Variants in APBB2 observed in about 807,000 individuals in gnomAD.
The protein encoded by APBB2 is Fe65-like 1.
APBB2 carries 38 observed loss-of-function variants against 82.5 expected under a neutral mutation model. That is an observed-to-expected ratio of 0.46 (90% CI 0.36 to 0.60). APBB2 has a LOEUF of 0.60. Among genes scored for constraint, APBB2 ranks in the 20% least tolerant of loss-of-function variants. APBB2 has a pLI of 0.00. For missense variants in APBB2, 772 were observed against 972.3 expected (o/e 0.79, Z 2.74); for synonymous variants, 341 against 368.2 (o/e 0.93, Z 0.85).
In APBB2 at chr4:40,890,448, A is replaced by G. The variant is rs1771663635; in HGVS notation, c.1445T>C (p.Leu482Pro). 1 of 1,614,014 alleles carries G rather than the reference A, an allele frequency of 6.2e-7. No individual in the cohort carries two copies. Among genetic ancestry groups the G allele is most frequent in the African/African-American group, 1.3e-5 (1 of 74,924 alleles). The change falls in exon 12 of 18, where the codon CTG (leucine) becomes CCG (proline). Residue 482 changes from leucine (L) to proline (P), a missense_variant. By Grantham distance (98) the Leu-to-Pro change is moderately conservative (BLOSUM62 -3). Coordinates refer to ENST00000508593, the MANE Select transcript of APBB2 (RefSeq NM_004307.2). ...CACGCTGCGGTCCATGGGGTCCACC[A>G]GGCTGAGCATGTCATTCTCCAGGAT... ...YLILENDMLS[L>P]VDPMDRSVLH...
Position 40,835,952 on chromosome 4 carries a change from C to A in APBB2, c.1530-5375G>T, listed in dbSNP as rs570825914. Reference sequence around the variant, plus strand: ...TGGGGTCCCTGCTAGGACAGCTAAGCACCCCATCACTGGAGTGGGGGAGGG... The same window carrying A: ...TGGGGTCCCTGCTAGGACAGCTAAGAACCCCATCACTGGAGTGGGGGAGGG... On this transcript the variant is annotated intron_variant, in intron 12 of 17. Transcript: ENST00000508593. Among the ~76,000 whole-genome samples the A allele has an allele frequency of 9.9e-5, 15 of 152,276 alleles. 1 individual carries two copies. The South Asian group carries it at 3.1e-3, about 32-fold the overall frequency.
At chr4:40,890,309 A>G (rs1771602693) in intron 12 of APBB2, 55 bp downstream of exon 12, 13 of 1,572,756 alleles carry the variant, frequency 8.3e-6, no homozygotes, top group South Asian at 4.7e-5. Flanking sequence ...TTTGGTGTTC[A>G]GCTAGACCAG....
chr4:40,875,068 T>G (rs1235013822), intron 12 of APBB2, among the ~76,000 whole-genome samples: 1 of 152,194 alleles, frequency 6.6e-6, no homozygotes, highest in Non-Finnish European at 1.5e-5. Flanking sequence ...AGTGCCTGGC[T>G]CAGCTGTGCT....
At chr4:40,985,606 G>A (rs563535662) in intron 6 of APBB2, among the ~76,000 whole-genome samples, 2 of 152,188 alleles carry the variant, frequency 1.3e-5, no homozygotes, top group East Asian at 1.9e-4. Flanking sequence ...TCAATACACC[G>A]ACTAATCCAC....
chr4:40,970,653 C>T (rs1247358783), intron 6 of APBB2, among the ~76,000 whole-genome samples: 2 of 152,222 alleles, frequency 1.3e-5, no homozygotes, highest in Middle Eastern at 3.4e-3. Flanking sequence ...TCTCGGGACA[C>T]ATGAAAATGT....
intron 5 of APBB2, among the ~76,000 whole-genome samples, chr4:41,019,769 G>C (rs1810968865): frequency 6.6e-6 from 1 of 152,196 alleles, no homozygotes; most frequent in Admixed American, 6.5e-5. Context: ...AAAAACCCAA[G>C]GAGGTGGCAG....
At chr4:41,076,444 G>A (rs916718415) in intron 3 of APBB2, among the ~76,000 whole-genome samples, 8 of 152,158 alleles carry the variant, frequency 5.3e-5, no homozygotes, top group Non-Finnish European at 8.8e-5. Context: ...ACCAGGTGGA[G>A]GGACTGACTG....
At chr4:40,935,192 G>T in intron 7 of APBB2, 53 bp from the exon 8 acceptor site, 27 of 1,005,704 alleles carry the variant, frequency 2.7e-5, no homozygotes, top group African/African-American at 4.3e-5. Context: ...TAAAGAAAAA[G>T]AAAAGAAAAG....
In APBB2 at chr4:41,125,598, A is replaced by G. The variant is rs7662950; in HGVS notation, c.-261+17389T>C. On this transcript the variant is annotated intron_variant, in intron 2 of 17. Transcript: ENST00000508593. ...TCCACTTGCCCTACCCATTTTGAAA[A>G]CAGATCTATTGGAATGTGAAATGAA... Among the ~76,000 whole-genome samples, 326 of 152,322 alleles carry G rather than the reference A, an allele frequency of 2.1e-3. 1 individual carries two copies. The highest frequency in any genetic ancestry group is 7.3e-3 in the African/African-American group (304 of 41,568).
chr4:41,185,059 T>G (rs1772515967), intron 1 of APBB2, among the ~76,000 whole-genome samples: 1 of 152,216 alleles, frequency 6.6e-6, no homozygotes, highest in African/African-American at 2.4e-5. Flanking sequence ...GCAGGAACTT[T>G]GTTTCATTGT....
At chr4:41,117,424 C>G (rs1041303115) in intron 2 of APBB2, among the ~76,000 whole-genome samples, 3 of 151,742 alleles carry the variant, frequency 2.0e-5, no homozygotes, top group Non-Finnish European at 4.4e-5. Flanking sequence ...TCTCGAATAG[C>G]TGGGATTACA....
intron 3 of APBB2, among the ~76,000 whole-genome samples, chr4:41,075,164 C>A (rs558167637): frequency 4.6e-5 from 7 of 152,226 alleles, no homozygotes; most frequent in African/African-American, 1.2e-4. Context: ...GATCAGATTC[C>A]CCTATATTCA....
intron 6 of APBB2, among the ~76,000 whole-genome samples, chr4:41,002,541 A>G (rs1021575378): frequency 5.3e-5 from 8 of 152,316 alleles, no homozygotes; most frequent in Middle Eastern, 6.8e-3. Flanking sequence ...GGCTAAGTCC[A>G]TTGATAGTGG....
chr4:41,090,263 G>C (rs1319761566), intron 3 of APBB2, among the ~76,000 whole-genome samples: 2 of 152,066 alleles, frequency 1.3e-5, no homozygotes, highest in Admixed American at 1.3e-4. Context: ...AAATGCATCT[G>C]AATTAAATTA....
intron 10 of APBB2, among the ~76,000 whole-genome samples, chr4:40,913,264 AAATAGT>A (rs1398108926): frequency 3.3e-5 from 5 of 152,196 alleles, no homozygotes; most frequent in Non-Finnish European, 5.9e-5. Context: ...GTTCAGTCTC[AAATAGT>A]AACAGGTATA....
chr4:40,842,384 G>C (rs995264779), intron 12 of APBB2: 2 of 455,472 alleles, frequency 4.4e-6, no homozygotes, highest in East Asian at 1.4e-4. Context: ...CTCTGAATCC[G>C]GGAAGGCGTG....
intron 4 of APBB2, among the ~76,000 whole-genome samples, chr4:41,053,096 T>C (rs1726651692): frequency 6.6e-6 from 1 of 152,160 alleles, no homozygotes; most frequent in Non-Finnish European, 1.5e-5. Flanking sequence ...AGAGGATACA[T>C]AGGGTAACTG....
intron 5 of APBB2, among the ~76,000 whole-genome samples, chr4:41,031,552 A>C (rs1156586877): frequency 1.3e-5 from 2 of 152,246 alleles, no homozygotes; most frequent in East Asian, 3.8e-4. Context: ...ACCACCAAAG[A>C]ATAAAGCTGT....
intron 3 of APBB2, among the ~76,000 whole-genome samples, chr4:41,081,068 G>A (rs1437445422): frequency 1.3e-5 from 2 of 152,114 alleles, no homozygotes; most frequent in African/African-American, 4.8e-5. Flanking sequence ...ATTCTTCTAC[G>A]TAGTCAGTTC....
Sources: allele counts gnomAD v4.1 joint callset (sites outside exome capture counted in the v4.1 genomes callset), GRCh38; gene constraint gnomAD v4.1.1; transcripts MANE v1.5; gene names NCBI Gene and HGNC (gene_info 2026-07-23, HGNC 2026-07-21).